The following GPC5 variants were observed in gnomAD, a reference collection of about 807,000 sequenced individuals.
The protein encoded by GPC5 is glypican-5.
A neutral mutation model predicts 53.9 loss-of-function variants in GPC5; 47 were observed. The ratio of observed to expected loss-of-function variants is 0.87; its 90% CI spans 0.69 to 1.11. GPC5 has a LOEUF of 1.11. GPC5 is among the 50% of genes most tolerant of loss of function. GPC5 has a pLI of 0.00. For synonymous variants in GPC5, 286 were observed against 263.3 expected (o/e 1.09, Z -0.84); for missense variants, 748 against 713.1 (o/e 1.05, Z -0.56).
chr13:91,910,386 G>A (rs1392696376), intron 6 of GPC5, among the ~76,000 whole-genome samples: 3 of 152,316 alleles, frequency 2.0e-5, no homozygotes, highest in East Asian at 1.9e-4. Context: ...CATGGAAGAC[G>A]TCGACATAGG....
chr13:92,275,293 C>A (rs887798799), intron 7 of GPC5, among the ~76,000 whole-genome samples: 7 of 152,054 alleles, frequency 4.6e-5, no homozygotes, highest in Admixed American at 1.3e-4. Flanking sequence ...ATTACAAATG[C>A]AACATGGATC....
intron 2 of GPC5, among the ~76,000 whole-genome samples, chr13:91,574,046 G>A (rs988421760): frequency 6.6e-6 from 1 of 152,070 alleles, no homozygotes; most frequent in African/African-American, 2.4e-5. Context: ...TTATCACCAA[G>A]GGTAATTATT....
chr13:92,465,797 C>T (rs778881926), intron 7 of GPC5, among the ~76,000 whole-genome samples: 2 of 151,838 alleles, frequency 1.3e-5, no homozygotes, highest in African/African-American at 2.4e-5. Flanking sequence ...AGTCCAATGA[C>T]GTTCATTAAA....
At chr13:92,158,670 G>A (rs1346757403) in intron 7 of GPC5, among the ~76,000 whole-genome samples, 1 of 151,800 alleles carries the variant, frequency 6.6e-6, no homozygotes, top group African/African-American at 2.4e-5. Context: ...TACTATCTTA[G>A]TTTAATTCCT....
intron 7 of GPC5, among the ~76,000 whole-genome samples, chr13:92,685,144 G>C (rs912224990): frequency 1.3e-5 from 2 of 151,848 alleles, no homozygotes; most frequent in East Asian, 3.9e-4. Context: ...ATGCTAGAGT[G>C]CAGTGGTGCA....
At chr13:92,333,070 G>C (rs936857081) in intron 7 of GPC5, among the ~76,000 whole-genome samples, 8 of 152,124 alleles carry the variant, frequency 5.3e-5, no homozygotes, top group Non-Finnish European at 1.2e-4. Context: ...TGAAAACCTT[G>C]GCAGGAATGA....
At chr13:91,847,644 G>A (rs1339780622) in intron 5 of GPC5, among the ~76,000 whole-genome samples, 3 of 152,102 alleles carry the variant, frequency 2.0e-5, no homozygotes, top group Non-Finnish European at 4.4e-5. Context: ...AACCTCATCC[G>A]TGGTTAAAAT....
intron 7 of GPC5, among the ~76,000 whole-genome samples, chr13:92,335,406 G>A (rs943401481): frequency 2.0e-5 from 3 of 152,080 alleles, no homozygotes; most frequent in Admixed American, 6.6e-5. Flanking sequence ...CCTGGTCAAA[G>A]CAACCATTTT....
chr13:92,591,041 A>G lies in GPC5; in HGVS notation c.1562-275241A>G, dbSNP rs556003307. 8.4e-4 allele frequency among the ~76,000 whole-genome samples: 128 copies of G among 152,316 alleles called. 1 individual carries two copies. The highest frequency in any genetic ancestry group is 2.9e-3 in the African/African-American group (119 of 41,578). On this transcript the variant is annotated intron_variant, in intron 7 of 7. Transcript: ENST00000377067. ...CTAATGCTAAAATTTAAAATTTAAA[A>G]GGATTAAATTTTAATGCTAAAACAA...
chr13:92,607,340 A>G (rs1426191584), intron 7 of GPC5, among the ~76,000 whole-genome samples: 1 of 152,222 alleles, frequency 6.6e-6, no homozygotes, highest in East Asian at 1.9e-4. Flanking sequence ...CTCATTATCT[A>G]CTAGTGGCAA....
chr13:91,909,930 G>A (rs1369547909), intron 6 of GPC5, among the ~76,000 whole-genome samples: 1 of 152,062 alleles, frequency 6.6e-6, no homozygotes, highest in African/African-American at 2.4e-5. Flanking sequence ...GCTTCTGTGT[G>A]AACTCGAGTC....
intron 7 of GPC5, among the ~76,000 whole-genome samples, chr13:92,691,801 A>C (rs1231493509): frequency 1.3e-5 from 2 of 151,758 alleles, no homozygotes; most frequent in African/African-American, 2.4e-5. Flanking sequence ...AAACTACAAG[A>C]TACTTTATAG....
chr13:92,579,386 A>G (rs571674616), intron 7 of GPC5, among the ~76,000 whole-genome samples: 1 of 148,996 alleles, frequency 6.7e-6, no homozygotes, highest in Non-Finnish European at 1.5e-5. Flanking sequence ...CTTGATGAAT[A>G]GAGTTGGTGT....
chr13:92,133,780 A>G (rs2138965561), intron 6 of GPC5, among the ~76,000 whole-genome samples: 1 of 152,318 alleles, frequency 6.6e-6, no homozygotes, highest in Non-Finnish European at 1.5e-5. Context: ...TGGGGTCATA[A>G]AGCGAAAAGG....
intron 5 of GPC5, among the ~76,000 whole-genome samples, chr13:91,772,448 A>G (rs1356070274): frequency 1.3e-5 from 2 of 152,170 alleles, no homozygotes; most frequent in Non-Finnish European, 2.9e-5. Flanking sequence ...TTGTCAGTAC[A>G]TAATCATACA....
At chr13:92,735,182 A>T (rs1419653311) in intron 7 of GPC5, among the ~76,000 whole-genome samples, 1 of 151,932 alleles carries the variant, frequency 6.6e-6, no homozygotes, top group Non-Finnish European at 1.5e-5. Flanking sequence ...GATTTTTCTC[A>T]TTGGGTAAAT....
intron 7 of GPC5, among the ~76,000 whole-genome samples, chr13:92,671,836 T>C (rs755336236): frequency 1.3e-5 from 2 of 152,180 alleles, no homozygotes; most frequent in Non-Finnish European, 2.9e-5. Context: ...GGTTTCCATA[T>C]TTAAAAAGGA....
chr13:92,554,980 A>C (rs1316379848), intron 7 of GPC5, among the ~76,000 whole-genome samples: 1 of 150,730 alleles, frequency 6.6e-6, no homozygotes, highest in Non-Finnish European at 1.5e-5. Flanking sequence ...GCACTGTTTA[A>C]AATCCAGAAG....
intron 7 of GPC5, among the ~76,000 whole-genome samples, chr13:92,253,744 A>C (rs2139131983): frequency 6.6e-6 from 1 of 152,250 alleles, no homozygotes; most frequent in Middle Eastern, 3.4e-3. Flanking sequence ...ACATGACTTG[A>C]AAGATAGTAC....
Sources: allele counts gnomAD v4.1 joint callset (sites outside exome capture counted in the v4.1 genomes callset), GRCh38; gene constraint gnomAD v4.1.1; transcripts MANE v1.5; gene names NCBI Gene and HGNC (gene_info 2026-07-23, HGNC 2026-07-21).